Variants in ATXN7 observed in about 807,000 individuals in gnomAD.
The protein encoded by ATXN7 is ataxin-7.
ATXN7 carries 12 observed loss-of-function variants against 70.5 expected under a neutral mutation model. That is an observed-to-expected ratio of 0.17 (90% CI 0.11 to 0.28). ATXN7 has a LOEUF of 0.28. Ranked by LOEUF, ATXN7 falls within the 10% of genes least tolerant of loss-of-function variation. The pLI, the probability that ATXN7 is intolerant of heterozygous loss-of-function variation, is 1.00. For synonymous variants in ATXN7, 498 were observed against 448.7 expected, an observed-to-expected ratio of 1.11 and a Z score of -1.39; for missense variants, 1,256 against 1,131.7, an observed-to-expected ratio of 1.11 and a Z score of -1.58.
chr3:63,971,084 C>CT (rs1252521047), intron 5 of ATXN7, among the ~76,000 whole-genome samples: 1 of 152,126 alleles, frequency 6.6e-6, no homozygotes, highest in Admixed American at 6.5e-5. Flanking sequence ...CAGTTGGAGA[C>CT]TAATTTGTTA....
At chr3:63,962,506 G>T (rs1448562075) in intron 5 of ATXN7, among the ~76,000 whole-genome samples, 1 of 152,056 alleles carries the variant, frequency 6.6e-6, no homozygotes, top group Non-Finnish European at 1.5e-5. Flanking sequence ...CCAGGTTCAA[G>T]TGATTCTCGT....
intron 1 of ATXN7, among the ~76,000 whole-genome samples, chr3:63,873,061 T>C (rs1702643326): frequency 6.6e-6 from 1 of 152,148 alleles, no homozygotes; most frequent in Admixed American, 6.5e-5. Context: ...AATCTCAAAA[T>C]CCATTATCTT....
Position 63,980,292 on chromosome 3 carries a change from A to G in ATXN7, c.752+125A>G, listed in dbSNP as rs753747069. ...TCTACTTGGGGAAGAATTCAAATGTATGTTGTATTGTTTCTTGATGTTTCC... is the reference window on the plus strand; with the variant it reads ...TCTACTTGGGGAAGAATTCAAATGTGTGTTGTATTGTTTCTTGATGTTTCC... On this transcript the variant is annotated intron_variant, in intron 6 of 12. Transcript: ENST00000674280. 4.8e-4 allele frequency: 622 copies of G among 1,305,008 alleles called. 1 individual carries two copies. Among genetic ancestry groups the G allele is most frequent in the Non-Finnish European group, 6.3e-4 (601 of 948,120 alleles). 80.8% of individuals were successfully genotyped at this position (1,305,008 alleles called of 1,614,324 possible).
At chr3:63,982,469 A>G (rs997229957) in intron 7 of ATXN7, 24 bp downstream of exon 7, 5 of 1,550,846 alleles carry the variant, frequency 3.2e-6, no homozygotes, top group African/African-American at 2.7e-5. Flanking sequence ...TTCTTTCTTC[A>G]TAATGCTTCT....
intron 4 of ATXN7, among the ~76,000 whole-genome samples, chr3:63,939,730 TC>T (rs1173765501): frequency 6.6e-6 from 1 of 152,004 alleles, no homozygotes; most frequent in African/African-American, 2.4e-5. Flanking sequence ...CAACCTCTCC[TC>T]CCCAACTCCA....
intron 6 of ATXN7, 137 bp from the exon 7 acceptor site, chr3:63,982,049 T>C (rs1293146843): frequency 3.4e-6 from 4 of 1,192,216 alleles, no homozygotes; most frequent in Non-Finnish European, 4.7e-6. Context: ...ACAAAACTCA[T>C]AAGGAGCCTT....
intron 1 of ATXN7, among the ~76,000 whole-genome samples, chr3:63,897,234 G>T (rs1444250368): frequency 6.6e-6 from 1 of 152,142 alleles, no homozygotes; most frequent in African/African-American, 2.4e-5. Flanking sequence ...GGAAATCAGA[G>T]AAATTTTTTA....
intron 1 of ATXN7, among the ~76,000 whole-genome samples, chr3:63,871,641 A>G (rs1702593452): frequency 1.3e-5 from 2 of 152,194 alleles, no homozygotes; most frequent in African/African-American, 4.8e-5. Context: ...CTTTAAAAAG[A>G]ATGATGCAGT....
rs1490701393 is a variant in ATXN7, at chr3:63,996,163, A to T, written c.2341A>T (p.Thr781Ser). 6 of 1,614,012 alleles carry T rather than the reference A, an allele frequency of 3.7e-6. No homozygotes were observed. The Admixed American group carries it at 1.0e-4, about 27-fold the overall frequency. ...RHDQSGRGPPTGSPAESIKRM... is the reference protein window; with the variant it reads ...RHDQSGRGPPSGSPAESIKRM... ...TGACCAGTCAGGGAGGGGCCCCCCC[A>T]CCGGGAGCCCTGCTGAATCCATCAA... The change falls in exon 12 of 13, where the codon ACC (threonine) becomes TCC (serine). Residue 781 changes from threonine (T) to serine (S), a missense_variant. Coordinates refer to ENST00000674280, the MANE Select transcript of ATXN7 (RefSeq NM_001377405.1).
At chr3:63,899,725 C>T (rs1474114783) in intron 2 of ATXN7, among the ~76,000 whole-genome samples, 2 of 151,954 alleles carry the variant, frequency 1.3e-5, no homozygotes, top group Non-Finnish European at 2.9e-5. Context: ...GCAATTCTGC[C>T]GCCTCAGCCT....
At chr3:63,899,509 C>G (rs1423779549) in intron 2 of ATXN7, among the ~76,000 whole-genome samples, 4 of 152,100 alleles carry the variant, frequency 2.6e-5, no homozygotes, top group Admixed American at 2.6e-4. Context: ...CAGTGGCTCA[C>G]ACCTGTAATC....
rs537248855 is a variant in ATXN7, at chr3:63,907,903, T to C, written c.-11-4685T>C. Among the ~76,000 whole-genome samples the C allele has an allele frequency of 2.0e-5, 3 of 152,338 alleles. No homozygotes were observed. The South Asian group carries it at 6.2e-4, about 32-fold the overall frequency. ...GCATTACTAATTACCTTTTATATTATAATTTATTATTACCTTTTATATGTG... is the reference window on the plus strand; with the variant it reads ...GCATTACTAATTACCTTTTATATTACAATTTATTATTACCTTTTATATGTG... On this transcript the variant is annotated intron_variant, in intron 2 of 12. Transcript: ENST00000674280.
At chr3:63,981,739 A>G (rs949011173) in intron 6 of ATXN7, among the ~76,000 whole-genome samples, 2 of 152,232 alleles carry the variant, frequency 1.3e-5, no homozygotes, top group African/African-American at 4.8e-5. Flanking sequence ...CTTTAGTGAC[A>G]TTTATTGGAA....
chr3:63,903,252 G>A (rs1703712890), intron 2 of ATXN7, among the ~76,000 whole-genome samples: 2 of 151,764 alleles, frequency 1.3e-5, no homozygotes, highest in Admixed American at 1.3e-4. Context: ...AAAATTAGCC[G>A]AGCTTGGGCC....
intron 12 of ATXN7, chr3:63,999,219 T>G: frequency 2.0e-6 from 1 of 497,692 alleles, no homozygotes; most frequent in Non-Finnish European, 3.6e-6. Flanking sequence ...CCTGCAACTC[T>G]TCTAGCCAGT....
intron 4 of ATXN7, among the ~76,000 whole-genome samples, chr3:63,947,363 A>T (rs1559642298): frequency 6.6e-6 from 1 of 152,070 alleles, no homozygotes. Flanking sequence ...AGGTGGGAGG[A>T]TCACTTGACC....
At chr3:63,949,248 T>C (rs1218262427) in intron 4 of ATXN7, among the ~76,000 whole-genome samples, 1 of 151,080 alleles carries the variant, frequency 6.6e-6, no homozygotes, top group African/African-American at 2.4e-5. Flanking sequence ...AAAAAGAATA[T>C]AGAATTCCTT....
intron 10 of ATXN7, 45 bp from the exon 11 acceptor site, chr3:63,990,693 C>T (rs987819083): frequency 6.2e-7 from 1 of 1,613,480 alleles, no homozygotes; most frequent in Admixed American, 1.7e-5. Context: ...ACTGGGCATG[C>T]CAGTGTGGGA....
chr3:63,939,632 C>T (rs902615906), intron 4 of ATXN7, among the ~76,000 whole-genome samples: 6 of 152,162 alleles, frequency 3.9e-5, no homozygotes, highest in African/African-American at 1.4e-4. Flanking sequence ...ACCCCAAAGG[C>T]TTGCAAATTC....
Sources: gnomAD v4.1 joint callset for allele counts (sites outside exome capture counted in the v4.1 genomes callset) on GRCh38, gnomAD v4.1.1 for gene constraint, MANE v1.5 for transcripts, NCBI Gene and HGNC (gene_info 2026-07-23, HGNC 2026-07-21) for gene names.